Variants in PNPLA6 observed in about 807,000 individuals in gnomAD.
PNPLA6 encodes the protein patatin like domain 6, lysophospholipase.
In PNPLA6, 105 loss-of-function variants were observed where a neutral mutation model predicts 153.7. The ratio of observed to expected loss-of-function variants is 0.68; its 90% CI spans 0.58 to 0.80. PNPLA6 has a LOEUF of 0.80. PNPLA6 is among the 30% of genes least tolerant of loss of function. The pLI is 0.00. For missense variants in PNPLA6, 1,423 were observed against 1,919.3 expected, an observed-to-expected ratio of 0.74 and a Z score of 4.83; for synonymous variants, 825 against 822.2, an observed-to-expected ratio of 1.00 and a Z score of -0.06.
chr19:7,542,015 C>T lies in PNPLA6; in HGVS notation c.1200C>T (p.Thr400=). 1.2e-5 allele frequency: 19 copies of T among 1,608,256 alleles called. No individual in the cohort carries two copies. Among genetic ancestry groups the T allele is most frequent in the Non-Finnish European group, 1.5e-5 (18 of 1,179,918 alleles). ...GDPVKPTSLE[T]PSAPLLSRCV... ...CTGTGAAGCCCACATCCCTGGAAAC[C>T]CCCTCGGCCCCTCTGCTGAGCCGCT... The change falls in exon 10 of 32, where the codon ACC becomes ACT. Residue 400 remains threonine, a synonymous_variant. Transcript: ENST00000600737.
intron 10 of PNPLA6, 95 bp from the exon 11 acceptor site, chr19:7,542,466 C>T: frequency 3.2e-6 from 3 of 938,574 alleles, no homozygotes; most frequent in Non-Finnish European, 5.1e-6. Context: ...TCCCAAATAG[C>T]TGGAACTACA....
At position 7,543,069 on chromosome 19, in the gene PNPLA6, C is replaced by T. The variant is rs778704836; in HGVS notation, c.1593C>T (p.Ala531=). Residue 531 remains alanine (A), a synonymous_variant, in exon 13 of 32, where the codon GCC becomes GCT. Coordinates refer to ENST00000600737, the MANE Select transcript of PNPLA6 (RefSeq NM_001166114.2). ...ACGCCAAAGCTGGCACCATCATTGC[C>T]CGCCAGGGAGACCAGGTGAGGCTGA... The part of the protein sequence containing the change: ...LHHAKAGTII[A]RQGDQDVSLH... The T allele has an allele frequency of 1.2e-5, 20 of 1,613,832 alleles. No homozygotes were observed. The East Asian group carries it at 4.2e-4, about 34-fold the overall frequency.
Position 7,550,363 on chromosome 19 carries a change from C to A in PNPLA6, c.1880C>A (p.Pro627His). Residue 627 changes from proline to histidine, a missense_variant, in exon 15 of 32, where the codon CCC becomes CAC. Transcript: ENST00000600737. ...AAHTVAARMS[P>H]FVRQMDFAID... is the part of the protein sequence containing the mutation. ...CACACGGTGGCAGCCAGGATGTCGCCCTTCGTGCGCCAGATGGACTTCGCC... is the reference window on the plus strand; with the variant it reads ...CACACGGTGGCAGCCAGGATGTCGCACTTCGTGCGCCAGATGGACTTCGCC... 6.2e-7 allele frequency: 1 copy of A among 1,612,270 alleles called. No individual in the cohort carries two copies. Among genetic ancestry groups the A allele is most frequent in the Non-Finnish European group, 8.5e-7 (1 of 1,180,026 alleles).
At chr19:7,554,753 C>G (rs1365814798) in intron 21 of PNPLA6, 30 bp downstream of exon 21, 1 of 1,607,266 alleles carries the variant, frequency 6.2e-7, no homozygotes, top group Admixed American at 1.7e-5. Context: ...TGATCTCACC[C>G]ACCTCGGGTC....
In PNPLA6 at chr19:7,557,346, G is replaced by C. The variant is rs906084612; in HGVS notation, c.3397+62G>C. The C allele has an allele frequency of 3.0e-5, 30 of 1,014,578 alleles. 1 individual carries two copies. The South Asian group carries it at 3.7e-4, about 13-fold the overall frequency. The allele number at this position is 1,014,578 out of a possible 1,614,324, so 62.8% of individuals were successfully genotyped here. On this transcript the variant is annotated intron_variant, in intron 27 of 31. Transcript: ENST00000600737. ...CCTCCCGCACCACACACACGCACAC[G>C]CGTGGGCACACACAGACAGGCTCGA... is the stretch of plus-strand genomic sequence containing the variant.
rs757801938 is a variant in PNPLA6, at chr19:7,561,609, T to C, written c.*47T>C. 2 of 1,376,086 alleles carry C rather than the reference T, an allele frequency of 1.5e-6. No homozygotes were observed. Among genetic ancestry groups the C allele is most frequent in the South Asian group, 1.2e-5 (1 of 81,064 alleles). 85.2% of individuals were successfully genotyped at this position (1,376,086 alleles called of 1,614,324 possible). A position where few individuals can be genotyped will look rare whatever the true frequency, so the allele number is the denominator to read the frequency against. On this transcript the variant is annotated 3_prime_UTR_variant, in exon 32 of 32. Coordinates refer to ENST00000600737, the MANE Select transcript of PNPLA6 (RefSeq NM_001166114.2). ...CCTCCCTCCCACCCCTGGACTGGGCTGGGGGTGGCCCCGTGGGGGTAGCTC... is the reference window on the plus strand; with the variant it reads ...CCTCCCTCCCACCCCTGGACTGGGCCGGGGGTGGCCCCGTGGGGGTAGCTC...
Position 7,554,735 on chromosome 19 carries a change from G to T in PNPLA6, c.2634+12G>T, listed in dbSNP as rs1190710754. On this transcript the variant is annotated intron_variant, in intron 21 of 31. Coordinates refer to ENST00000600737, the MANE Select transcript of PNPLA6 (RefSeq NM_001166114.2). Reference sequence around the variant, plus strand: ...CTACCCTCGGCCAGGTCGGAAGCCCGTGCCCCCTGATCTCACCCACCTCGG... The same window carrying T: ...CTACCCTCGGCCAGGTCGGAAGCCCTTGCCCCCTGATCTCACCCACCTCGG... 2 of 1,610,676 alleles carry T rather than the reference G, an allele frequency of 1.2e-6. No homozygotes were observed. The highest frequency in any genetic ancestry group is 2.7e-5 in the African/African-American group (2 of 74,860).
rs775074101 is a variant in PNPLA6, at chr19:7,540,976, G to A, written c.849G>A (p.Thr283=). Residue 283 remains threonine (T), a synonymous_variant, in exon 7 of 32, where the codon ACG becomes ACA. Coordinates refer to ENST00000600737, the MANE Select transcript of PNPLA6 (RefSeq NM_001166114.2). The surrounding 1 kb of genome is among the most constrained non-coding windows in gnomAD (Gnocchi z 6.8). ...TVSARAARDS[T]VLRLPVEAFS... is the part of the protein sequence containing the mutation. ...CTGCCCGGGCGGCCCGGGACTCCACGGTGCTGCGCCTGCCGGTGGAAGCAT... is the reference window on the plus strand; with the variant it reads ...CTGCCCGGGCGGCCCGGGACTCCACAGTGCTGCGCCTGCCGGTGGAAGCAT... 32 of 1,610,704 alleles carry A rather than the reference G, an allele frequency of 2.0e-5. No individual in the cohort carries two copies. Among genetic ancestry groups the A allele is most frequent in the Admixed American group, 3.4e-5 (2 of 59,696 alleles).
intron 3 of PNPLA6, among the ~76,000 whole-genome samples, chr19:7,539,452 C>T (rs1239151603): frequency 6.6e-6 from 1 of 150,500 alleles, no homozygotes; most frequent in East Asian, 2.0e-4. Flanking sequence ...GCACTCCAGC[C>T]TGGGTAAAAG....
At chr19:7,539,135 T>C (rs561740045) in intron 3 of PNPLA6, among the ~76,000 whole-genome samples, 2 of 152,350 alleles carry the variant, frequency 1.3e-5, no homozygotes, top group Admixed American at 6.5e-5. Context: ...CATAATGATA[T>C]GCAAATACAT....
At chr19:7,558,739 C>CTCTG in intron 27 of PNPLA6, 111 bp from the exon 28 acceptor site, 1 of 788,706 alleles carries the variant, frequency 1.3e-6, no homozygotes, top group South Asian at 1.5e-5. Context: ...TGGGTATTCT[C>CTCTG]TCTTTTTTTT....
In PNPLA6 at chr19:7,549,976, G is replaced by T; in HGVS notation, c.1678G>T (p.Asp560Tyr). Reference protein sequence around the residue: ...VYQRMIDKAEDVCLFVAQPGE... With the variant: ...VYQRMIDKAEYVCLFVAQPGE... ...CCAGCGCATGATCGACAAGGCGGAG[G>T]ACGTGTGCCTGTTCGTAGCGCAGCC... The change falls in exon 14 of 32, where the codon GAC becomes TAC. Residue 560 changes from aspartate (D) to tyrosine (Y), a missense_variant. Coordinates refer to ENST00000600737, the MANE Select transcript of PNPLA6 (RefSeq NM_001166114.2). 1 of 1,613,970 alleles carries T rather than the reference G, an allele frequency of 6.2e-7. No individual in the cohort carries two copies. Among genetic ancestry groups the T allele is most frequent in the Non-Finnish European group, 8.5e-7 (1 of 1,180,040 alleles).
At chr19:7,546,677 G>A (rs574936004) in intron 13 of PNPLA6, among the ~76,000 whole-genome samples, 3 of 152,058 alleles carry the variant, frequency 2.0e-5, no homozygotes, top group Admixed American at 6.5e-5. Context: ...CTAAAGTGCT[G>A]GAATTACAGG....
In PNPLA6 at chr19:7,540,756, C is replaced by T. The variant is rs573911578; in HGVS notation, c.795+46C>T. On this transcript the variant is annotated intron_variant, in intron 6 of 31. Coordinates refer to ENST00000600737, the MANE Select transcript of PNPLA6 (RefSeq NM_001166114.2). This position sits in a 1 kb window ranked among gnomAD's most constrained non-coding sequence, Gnocchi z 6.8. Reference sequence around the variant, plus strand: ...GCAGGGGGGCTGGGGTGCAAGGTCCCACCCAAGGGACTAGGTTGAAGGAAA... The same window carrying T: ...GCAGGGGGGCTGGGGTGCAAGGTCCTACCCAAGGGACTAGGTTGAAGGAAA... 31 of 1,555,138 alleles carry T rather than the reference C, an allele frequency of 2.0e-5. No individual in the cohort carries two copies. The African/African-American group carries it at 2.2e-4, about 11-fold the overall frequency.
upstream of PNPLA6, chr19:7,534,209 G>T: frequency 3.0e-6 from 1 of 338,240 alleles, no homozygotes; most frequent in Admixed American, 4.6e-5. Flanking sequence ...AGCGGTGTTG[G>T]CGCGGAGTGG....
chr19:7,542,413 C>G, intron 10 of PNPLA6, 148 bp from the exon 11 acceptor site: 1 of 704,612 alleles, frequency 1.4e-6, no homozygotes, highest in Admixed American at 2.0e-5. Context: ...TAGCTCACTG[C>G]AGCCTCGAAC....
At chr19:7,534,303 C>G (rs1022611945), upstream of PNPLA6, 5 of 243,014 alleles carry the variant, frequency 2.1e-5, no homozygotes, top group Admixed American at 5.2e-5. Context: ...CGAGCCTCCG[C>G]TTTCCCACGA....
chr19:7,560,641 C>T lies in PNPLA6; in HGVS notation c.3700-7C>T, dbSNP rs1243819804. 7 of 1,597,798 alleles carry T rather than the reference C, an allele frequency of 4.4e-6. No homozygotes were observed. Among genetic ancestry groups the T allele is most frequent in the Non-Finnish European group, 6.0e-6 (7 of 1,165,244 alleles). On this transcript the variant is annotated splice_region_variant and splice_polypyrimidine_tract_variant and intron_variant, in intron 28 of 31. Transcript: ENST00000600737. ...CAGACATGGACCCAGCCCCTCATTT[C>T]CCACAGGATGTGGGCTACCAGTACG...
intron 13 of PNPLA6, among the ~76,000 whole-genome samples, chr19:7,545,443 C>A (rs1352898025): frequency 6.6e-6 from 1 of 152,148 alleles, no homozygotes; most frequent in East Asian, 1.9e-4. Context: ...GGGTACCAGA[C>A]AGGTTGGTGT....
Sources: gnomAD v4.1 joint callset for allele counts (sites outside exome capture counted in the v4.1 genomes callset) on GRCh38, gnomAD v4.1.1 for gene constraint, Gnocchi (gnomAD v3.1) non-coding constraint, MANE v1.5 for transcripts, NCBI Gene and HGNC (gene_info 2026-07-23, HGNC 2026-07-21) for gene names.